GRIK2: variants seen among roughly 807,000 people sequenced by gnomAD.
The protein encoded by GRIK2 is glutamate receptor ionotropic, kainate 2.
Under a neutral mutation model 100.3 loss-of-function variants are expected in GRIK2, and 32 were observed. The observed-to-expected ratio is 0.32, with a 90% confidence interval of 0.24 to 0.43. The LOEUF is 0.43. Ranked by LOEUF, GRIK2 falls within the 20% of genes least tolerant of loss-of-function variation. GRIK2 has a pLI of 1.00. For missense variants in GRIK2, 843 were observed against 1,114.9 expected, an observed-to-expected ratio of 0.76 and a Z score of 3.47; for synonymous variants, 417 against 389.4, an observed-to-expected ratio of 1.07 and a Z score of -0.83.
At chr6:101,619,177 C>G (rs1780029727) in intron 2 of GRIK2, among the ~76,000 whole-genome samples, 1 of 150,850 alleles carries the variant, frequency 6.6e-6, no homozygotes, top group African/African-American at 2.4e-5. Context: ...CTTCCACATA[C>G]AAGGGGTAAT....
chr6:101,534,136 TA>T (rs1775575167), intron 2 of GRIK2, among the ~76,000 whole-genome samples: 1 of 83,948 alleles, frequency 1.2e-5, no homozygotes, highest in South Asian at 3.0e-4. Context: ...CACATAGTTT[TA>T]TTTTTTTTTT....
At chr6:101,599,201 CA>C (rs1173196024) in intron 2 of GRIK2, among the ~76,000 whole-genome samples, 1 of 151,558 alleles carries the variant, frequency 6.6e-6, no homozygotes, top group Admixed American at 6.6e-5. Context: ...TTAATTTGCT[CA>C]AGATAATGGT....
chr6:101,752,082 A>G (rs1027432084), intron 7 of GRIK2, among the ~76,000 whole-genome samples: 2 of 152,118 alleles, frequency 1.3e-5, no homozygotes, highest in African/African-American at 4.8e-5. Flanking sequence ...ATTTTCCTTT[A>G]TTTACCACTT....
intron 12 of GRIK2, among the ~76,000 whole-genome samples, chr6:101,923,601 G>C (rs933107609): frequency 2.0e-5 from 3 of 152,056 alleles, no homozygotes; most frequent in Non-Finnish European, 4.4e-5. Context: ...AAAACAGTGA[G>C]CCTCAGTATG....
intron 4 of GRIK2, among the ~76,000 whole-genome samples, chr6:101,657,686 T>C (rs1381786380): frequency 1.3e-5 from 2 of 152,098 alleles, no homozygotes; most frequent in Non-Finnish European, 2.9e-5. Flanking sequence ...TTATTATGAG[T>C]CTATTATGTT....
intron 7 of GRIK2, among the ~76,000 whole-genome samples, chr6:101,773,396 C>T (rs1778527934): frequency 6.7e-6 from 1 of 150,218 alleles, no homozygotes; most frequent in Non-Finnish European, 1.5e-5. Flanking sequence ...AGGAGAATCG[C>T]TTGAACCCGG....
chr6:101,844,350 G>A (rs1429357290), intron 10 of GRIK2, among the ~76,000 whole-genome samples: 2 of 152,130 alleles, frequency 1.3e-5, no homozygotes, highest in Non-Finnish European at 2.9e-5. Flanking sequence ...ATGGGAGAAT[G>A]TTTACAGAAT....
intron 14 of GRIK2, among the ~76,000 whole-genome samples, chr6:102,013,456 A>G (rs1237238874): frequency 6.6e-6 from 1 of 152,044 alleles, no homozygotes; most frequent in Admixed American, 6.6e-5. Flanking sequence ...TCTTGTCACG[A>G]CTTTCAATAC....
intron 2 of GRIK2, among the ~76,000 whole-genome samples, chr6:101,601,178 GTGTC>G (rs1402101484): frequency 6.9e-6 from 1 of 145,272 alleles, no homozygotes; most frequent in Non-Finnish European, 1.5e-5. Flanking sequence ...TGCTTTTTCT[GTGTC>G]TGTTGAGATT....
At chr6:101,463,173 A>C (rs1470584983) in intron 2 of GRIK2, among the ~76,000 whole-genome samples, 1 of 152,192 alleles carries the variant, frequency 6.6e-6, no homozygotes, top group Non-Finnish European at 1.5e-5. Context: ...ACATTATATA[A>C]TAGCATAGAG....
At chr6:101,681,916 C>T (rs1771284171) in intron 5 of GRIK2, among the ~76,000 whole-genome samples, 1 of 152,120 alleles carries the variant, frequency 6.6e-6, no homozygotes, top group African/African-American at 2.4e-5. Context: ...CTTGTTATAA[C>T]TAAAAGTTCT....
chr6:101,537,376 A>G (rs1775752304), intron 2 of GRIK2, among the ~76,000 whole-genome samples: 1 of 151,652 alleles, frequency 6.6e-6, no homozygotes, highest in South Asian at 2.1e-4. Context: ...ACTAATCAAC[A>G]TTTTAATAAG....
intron 4 of GRIK2, among the ~76,000 whole-genome samples, chr6:101,654,099 A>G (rs1480233136): frequency 6.6e-6 from 1 of 152,152 alleles, no homozygotes; most frequent in Non-Finnish European, 1.5e-5. Context: ...GTAGCTGCCT[A>G]ATAAATATTT....
chr6:101,574,014 T>C (rs903433955), intron 2 of GRIK2, among the ~76,000 whole-genome samples: 4 of 151,918 alleles, frequency 2.6e-5, no homozygotes, highest in Admixed American at 2.6e-4. Flanking sequence ...TGTCACTCTT[T>C]TTACTTCTCT....
intron 15 of GRIK2, among the ~76,000 whole-genome samples, chr6:102,041,249 T>C (rs1770554611): frequency 6.6e-6 from 1 of 151,668 alleles, no homozygotes; most frequent in African/African-American, 2.4e-5. Flanking sequence ...CCAAACAATG[T>C]AGAAATGGAT....
chr6:101,397,685 GA>G (rs3841021), intron 1 of GRIK2, among the ~76,000 whole-genome samples: 91,157 of 151,886 alleles, frequency 0.6, 29,340 homozygotes, highest in East Asian at 0.9. Flanking sequence ...CTGTTTGGAG[GA>G]AAAAATAGCA....
chr6:101,826,116 C>T (rs1029198124), intron 10 of GRIK2, among the ~76,000 whole-genome samples: 9 of 151,960 alleles, frequency 5.9e-5, no homozygotes, highest in African/African-American at 1.9e-4. Context: ...CCCTTTAAAA[C>T]CCATACTCAC....
At chr6:101,520,174 A>ATC (rs1554213392) in intron 2 of GRIK2, among the ~76,000 whole-genome samples, 8 of 151,226 alleles carry the variant, frequency 5.3e-5, no homozygotes, top group Admixed American at 4.6e-4. Context: ...TCTTCTTTTT[A>ATC]TTATAAATGG....
At chr6:101,922,089 T>TACCTTTCTCCATTTCCTTCCG (rs71028087) in intron 12 of GRIK2, among the ~76,000 whole-genome samples, 1 of 26,858 alleles carries the variant, frequency 3.7e-5, no homozygotes, top group Non-Finnish European at 7.8e-5. Flanking sequence ...CCTTCCTTCC[T>TACCTTTCTCCATTTCCTTCCG]TCCTTCCTTC....
Sources: gnomAD v4.1 joint callset for allele counts (sites outside exome capture counted in the v4.1 genomes callset) on GRCh38, gnomAD v4.1.1 for gene constraint, MANE v1.5 for transcripts, NCBI Gene and HGNC (gene_info 2026-07-23, HGNC 2026-07-21) for gene names.